AFF3: variants seen among roughly 807,000 people sequenced by gnomAD.
AFF3 encodes ALF transcription elongation factor 3, also known as AF4/FMR2 family member 3.
Under a neutral mutation model 129.7 loss-of-function variants are expected in AFF3, and 32 were observed. The observed-to-expected ratio is 0.25, with a 90% CI of 0.19 to 0.33. The LOEUF (loss-of-function observed/expected upper bound fraction) is 0.33, where lower values mean the gene tolerates loss of function less well. Among genes scored for constraint, AFF3 ranks in the 10% least tolerant of loss-of-function variants. The probability of loss-of-function intolerance (pLI) is 1.00; values close to 1 mark genes in which losing one functional copy is unlikely to be tolerated. For missense variants in AFF3, 1,373 were observed against 1,592.0 expected (o/e 0.86, Z 2.34); for synonymous variants, 644 against 635.4 (o/e 1.01, Z -0.20).
intron 7 of AFF3, among the ~76,000 whole-genome samples, chr2:99,980,056 T>G (rs113992565): frequency 1.2e-3 from 181 of 152,312 alleles, no homozygotes; most frequent in African/African-American, 4.0e-3. Flanking sequence ...TTTTTTTTAA[T>G]GTGAAAACTC....
At chr2:100,029,255 T>G (rs1684291007) in intron 4 of AFF3, among the ~76,000 whole-genome samples, 1 of 152,164 alleles carries the variant, frequency 6.6e-6, no homozygotes, top group African/African-American at 2.4e-5. Context: ...TAACCCAATC[T>G]GACTGGTGTC....
chr2:99,648,881 G>GCACACACACACACACACACA lies in AFF3; in HGVS notation c.1184+744_1184+745insTGTGTGTGTGTGTGTGTGTG, dbSNP rs367768868. ...ACCTCCTGACAGTTCCTCAAAACACGCGCGCACACACACACACACACACAC... is the reference window on the plus strand; with the variant it reads ...ACCTCCTGACAGTTCCTCAAAACACGCACACACACACACACACACACGCGCACACACACACACACACACAC... On this transcript the variant is annotated intron_variant, in intron 13 of 24. Transcript: ENST00000672756. Among the ~76,000 whole-genome samples, 100 of 64,882 alleles carry GCACACACACACACACACACA rather than the reference G, an allele frequency of 1.5e-3. 5 individuals carry two copies. The highest frequency in any genetic ancestry group is 6.8e-3 in the Middle Eastern group (1 of 148). The allele number at this position is 64,882 out of a possible 152,430, so 42.6% of individuals were successfully genotyped here. A position where few individuals can be genotyped will look rare whatever the true frequency, so the allele number is the denominator to read the frequency against.
intron 7 of AFF3, among the ~76,000 whole-genome samples, chr2:99,917,668 T>C (rs760265587): frequency 1.3e-5 from 2 of 152,100 alleles, no homozygotes; most frequent in Non-Finnish European, 2.9e-5. Flanking sequence ...TTTTTCTATA[T>C]TAAAAAGGAC....
chr2:99,948,921 A>G (rs1675894479), intron 7 of AFF3, among the ~76,000 whole-genome samples: 1 of 152,228 alleles, frequency 6.6e-6, no homozygotes, highest in South Asian at 2.1e-4. Context: ...TACCTCCTCC[A>G]AAGTAAATTT....
intron 8 of AFF3, among the ~76,000 whole-genome samples, chr2:99,781,917 C>T (rs1246409807): frequency 1.3e-5 from 2 of 151,966 alleles, no homozygotes; most frequent in Non-Finnish European, 2.9e-5. Context: ...TCTTATAATT[C>T]TGTTTTCTAT....
At chr2:100,121,867 C>A (rs1691983183) in intron 2 of AFF3, among the ~76,000 whole-genome samples, 1 of 151,486 alleles carries the variant, frequency 6.6e-6, no homozygotes, top group Non-Finnish European at 1.5e-5. Flanking sequence ...TCGAGACCAT[C>A]CTGGCTAACA....
At chr2:99,637,731 G>A (rs1575569776) in intron 13 of AFF3, among the ~76,000 whole-genome samples, 1 of 152,194 alleles carries the variant, frequency 6.6e-6, no homozygotes, top group East Asian at 1.9e-4. Flanking sequence ...AGGGTAGACA[G>A]CAGTGACAAA....
chr2:99,752,381 G>A, intron 8 of AFF3, 80 bp from the exon 9 acceptor site: 9 of 1,242,816 alleles, frequency 7.2e-6, no homozygotes, highest in Non-Finnish European at 8.1e-6. Context: ...AGCTGTACAA[G>A]TGGGCCTTCA....
intron 7 of AFF3, among the ~76,000 whole-genome samples, chr2:99,982,471 C>G (rs1014761052): frequency 4.6e-5 from 7 of 152,158 alleles, no homozygotes; most frequent in African/African-American, 1.7e-4. Flanking sequence ...TGGAAATTGC[C>G]CAGTCTTGGG....
intron 7 of AFF3, among the ~76,000 whole-genome samples, chr2:99,863,284 G>A (rs1691136070): frequency 1.3e-5 from 2 of 152,226 alleles, no homozygotes; most frequent in South Asian, 2.1e-4. Flanking sequence ...CTATTTCAGA[G>A]TAAAAGTAAT....
intron 8 of AFF3, among the ~76,000 whole-genome samples, chr2:99,812,590 A>C (rs1000608905): frequency 7.9e-5 from 12 of 152,232 alleles, no homozygotes; most frequent in African/African-American, 2.9e-4. Flanking sequence ...ATAAATGTAA[A>C]TGCATAAAGG....
chr2:99,705,203 T>C (rs929355297), intron 11 of AFF3, among the ~76,000 whole-genome samples: 11 of 152,198 alleles, frequency 7.2e-5, no homozygotes, highest in African/African-American at 2.2e-4. Flanking sequence ...AATGCACAGA[T>C]GCTGGGAACC....
At chr2:100,120,170 G>A (rs1410020751) in intron 2 of AFF3, among the ~76,000 whole-genome samples, 1 of 152,138 alleles carries the variant, frequency 6.6e-6, no homozygotes, top group Non-Finnish European at 1.5e-5. Flanking sequence ...AAAATGGAAG[G>A]CGACACACCT....
chr2:99,678,731 T>C (rs371267666), intron 11 of AFF3, among the ~76,000 whole-genome samples: 3 of 152,258 alleles, frequency 2.0e-5, no homozygotes, highest in African/African-American at 4.8e-5. Flanking sequence ...AACATATTCA[T>C]ATATGCAAAT....
chr2:99,837,563 G>A, intron 7 of AFF3, 39 bp from the exon 8 acceptor site: 1 of 1,582,772 alleles, frequency 6.3e-7, no homozygotes, highest in Non-Finnish European at 8.7e-7. Context: ...TGATGGAATA[G>A]ATTGATGACC....
At chr2:99,813,460 T>G (rs1199750899) in intron 8 of AFF3, among the ~76,000 whole-genome samples, 1 of 152,218 alleles carries the variant, frequency 6.6e-6, no homozygotes, top group Non-Finnish European at 1.5e-5. Flanking sequence ...TCACTTTGCC[T>G]TCAGGCTGAT....
chr2:99,765,705 C>A (rs990369017), intron 8 of AFF3, among the ~76,000 whole-genome samples: 1 of 152,104 alleles, frequency 6.6e-6, no homozygotes, highest in Non-Finnish European at 1.5e-5. Context: ...CTTCTGGATT[C>A]GACCTGGTGA....
At chr2:99,839,302 G>A (rs1298120325) in intron 7 of AFF3, among the ~76,000 whole-genome samples, 3 of 152,018 alleles carry the variant, frequency 2.0e-5, no homozygotes, top group African/African-American at 7.2e-5. Context: ...TAGAGATGGG[G>A]TTTCACCATC....
intron 4 of AFF3, among the ~76,000 whole-genome samples, chr2:100,039,714 T>C (rs772207825): frequency 2.0e-5 from 3 of 152,290 alleles, no homozygotes; most frequent in Middle Eastern, 3.4e-3. Flanking sequence ...CTTCGCTCAC[T>C]TTCTAACTTT....
Sources: gnomAD v4.1 joint callset for allele counts (sites outside exome capture counted in the v4.1 genomes callset) on GRCh38, gnomAD v4.1.1 for gene constraint, MANE v1.5 for transcripts, NCBI Gene and HGNC (gene_info 2026-07-23, HGNC 2026-07-21) for gene names.